Variants in GPD2 observed in about 807,000 individuals in gnomAD.
GPD2 encodes the protein glycerol-3-phosphate dehydrogenase, mitochondrial.
A neutral mutation model predicts 82.4 loss-of-function variants in GPD2; 54 were observed. The observed-to-expected ratio is 0.66, with a 90% CI of 0.53 to 0.82. The LOEUF (loss-of-function observed/expected upper bound fraction) is 0.82, where lower values mean the gene tolerates loss of function less well. GPD2 is among the 40% of genes least tolerant of loss of function. The pLI is 0.00. For missense variants in GPD2, 748 were observed against 896.2 expected, an observed-to-expected ratio of 0.83 and a Z score of 2.11; for synonymous variants, 288 against 306.1, an observed-to-expected ratio of 0.94 and a Z score of 0.62.
the GPD2 span, among the ~76,000 whole-genome samples, chr2:156,426,224 A>C: frequency 2.0e-5 from 3 of 152,340 alleles, no homozygotes; most frequent in South Asian, 4.1e-4. Flanking sequence ...CGCCCGGCCA[A>C]GTCTGGGTAC....
chr2:156,401,127 A>G, the GPD2 span, among the ~76,000 whole-genome samples: 10 of 152,328 alleles, frequency 6.6e-5, no homozygotes, highest in Admixed American at 4.6e-4. Context: ...ACCCACAGAA[A>G]AAAACTAGAA....
At position 156,585,592 on chromosome 2, in the gene GPD2, TAA is replaced by T. The variant is rs1037570841; in HGVS notation, c.*2676_*2677del. ...AGTGTAACTTTAGGATTTCTGCTAT[TAA>T]ATGCATGCTCTCTATCCTGCTTCAG... On this transcript the variant is annotated 3_prime_UTR_variant, in exon 17 of 17. Coordinates refer to ENST00000438166, the MANE Select transcript of GPD2 (RefSeq NM_000408.5). The T allele has an allele frequency of 6.6e-6, 1 of 152,464 alleles. No homozygotes were observed. The highest frequency in any genetic ancestry group is 2.4e-5 in the African/African-American group (1 of 41,424). The allele number at this position is 152,464 out of a possible 1,614,324, so 9.4% of individuals were successfully genotyped here. A position where few individuals can be genotyped will look rare whatever the true frequency, so the allele number is the denominator to read the frequency against.
rs113498402 is a variant in GPD2 at position 156,579,012 on chromosome 2, TAA to T, written c.1880+12_1880+13del. On this transcript the variant is annotated intron_variant, in intron 14 of 16. Transcript: ENST00000438166. ...TTCAGACATTGACAGGTACTTATAA[TAA>T]GTGTCTATCTATCTCTCTTTTTTTT... 2.7e-3 allele frequency: 4,151 copies of T among 1,563,160 alleles called. 103 individuals carry two copies. In the African/African-American group the frequency reaches 0.047, roughly 18 times the overall value.
At chr2:156,461,818 C>T (rs576171505) in intron 1 of GPD2, among the ~76,000 whole-genome samples, 3 of 152,180 alleles carry the variant, frequency 2.0e-5, no homozygotes, top group Non-Finnish European at 4.4e-5. Flanking sequence ...GAATTCCCAG[C>T]CCCTGGAACA....
intron 6 of GPD2, among the ~76,000 whole-genome samples, chr2:156,520,695 C>A (rs1454019769): frequency 6.6e-6 from 1 of 151,888 alleles, no homozygotes; most frequent in Non-Finnish European, 1.5e-5. Flanking sequence ...AGCCATTATC[C>A]CACCTCGGTC....
intron 6 of GPD2, among the ~76,000 whole-genome samples, chr2:156,525,826 T>C (rs1685585965): frequency 6.6e-6 from 1 of 152,210 alleles, no homozygotes; most frequent in Non-Finnish European, 1.5e-5. Context: ...ATAAATTATG[T>C]AAATAAAGTG....
In GPD2 at chr2:156,569,668, A is replaced by T. The variant is rs1425208696; in HGVS notation, c.1476+130A>T. 1.0e-5 allele frequency: 8 copies of T among 764,230 alleles called. No homozygotes were observed. In the East Asian group the frequency reaches 1.8e-4, roughly 17 times the overall value. The allele number at this position is 764,230 out of a possible 1,614,324, so 47.3% of individuals were successfully genotyped here. A position where few individuals can be genotyped will look rare whatever the true frequency, so the allele number is the denominator to read the frequency against. On this transcript the variant is annotated intron_variant, in intron 11 of 16. Coordinates refer to ENST00000438166, the MANE Select transcript of GPD2 (RefSeq NM_000408.5). ...CTGAATACATTTCTGCCAGTCTGTT[A>T]TGGAAGGAAAAAAAGATGATCTTGC...
Position 156,476,081 on chromosome 2 carries a change from CT to C in GPD2, c.-8-15del. 1 of 1,332,244 alleles carries C rather than the reference CT, an allele frequency of 7.5e-7. No homozygotes were observed. Among genetic ancestry groups the C allele is most frequent in the Non-Finnish European group, 1.1e-6 (1 of 923,574 alleles). 82.5% of individuals were successfully genotyped at this position (1,332,244 alleles called of 1,614,324 possible). A position where few individuals can be genotyped will look rare whatever the true frequency, so the allele number is the denominator to read the frequency against. ...TATCCCAATTAACTTCTTTTTGTTTCTTATTTTTCTTTGTAGGCTAAGAAAT... is the reference window on the plus strand; with the variant it reads ...TATCCCAATTAACTTCTTTTTGTTTCTATTTTTCTTTGTAGGCTAAGAAAT... On this transcript the variant is annotated splice_polypyrimidine_tract_variant and intron_variant, in intron 1 of 16. Transcript: ENST00000438166.
At chr2:156,490,611 C>T (rs1684140223) in intron 2 of GPD2, among the ~76,000 whole-genome samples, 1 of 152,008 alleles carries the variant, frequency 6.6e-6, no homozygotes, top group Non-Finnish European at 1.5e-5. Context: ...ATTTTTTTCT[C>T]AAATTATGTG....
chr2:156,539,812 T>A (rs973410270), intron 6 of GPD2, among the ~76,000 whole-genome samples: 1 of 152,242 alleles, frequency 6.6e-6, no homozygotes, highest in Non-Finnish European at 1.5e-5. Flanking sequence ...AGTCCTATTA[T>A]GAAAGATGGT....
At chr2:156,578,181 A>G (rs919827142) in intron 13 of GPD2, among the ~76,000 whole-genome samples, 5 of 152,232 alleles carry the variant, frequency 3.3e-5, no homozygotes, top group African/African-American at 9.6e-5. Context: ...CACTGAGGAC[A>G]TTGAAAACAG....
At chr2:156,524,201 T>C (rs1685523665) in intron 6 of GPD2, among the ~76,000 whole-genome samples, 1 of 152,072 alleles carries the variant, frequency 6.6e-6, no homozygotes, top group Non-Finnish European at 1.5e-5. Flanking sequence ...CTGATAGGTT[T>C]CCAGTCCCTT....
intron 6 of GPD2, among the ~76,000 whole-genome samples, chr2:156,523,496 A>C (rs1214688488): frequency 5.3e-5 from 8 of 152,118 alleles, no homozygotes; most frequent in Non-Finnish European, 1.2e-4. Flanking sequence ...AGCACTTATA[A>C]ACTCATGACC....
chr2:156,566,957 G>A (rs1425323281), intron 9 of GPD2, among the ~76,000 whole-genome samples: 2 of 151,866 alleles, frequency 1.3e-5, no homozygotes, highest in Non-Finnish European at 1.5e-5. Flanking sequence ...TGCATTTCCC[G>A]AATCATTAGT....
the GPD2 span, among the ~76,000 whole-genome samples, chr2:156,402,503 A>G: frequency 1.3e-5 from 2 of 152,356 alleles, no homozygotes; most frequent in Admixed American, 1.3e-4. Context: ...TTTATTCTTT[A>G]AAATGAAAGA....
intron 1 of GPD2, among the ~76,000 whole-genome samples, chr2:156,468,763 C>G (rs566967927): frequency 6.6e-6 from 1 of 152,236 alleles, no homozygotes; most frequent in East Asian, 1.9e-4. Flanking sequence ...TAATTTGCTA[C>G]AGGCATGCAA....
chr2:156,514,714 A>C (rs1685135137), intron 6 of GPD2, among the ~76,000 whole-genome samples: 1 of 152,190 alleles, frequency 6.6e-6, no homozygotes, highest in Non-Finnish European at 1.5e-5. Flanking sequence ...GGTCTTAGGT[A>C]AACATTAAAA....
chr2:156,563,176 C>T lies in GPD2; in HGVS notation c.1165+5594C>T, dbSNP rs771931996. ...TGCTTTGGTTTTGGTAATACCAGCT[C>T]TTATAGTTTGATATAAAAAGTTTAG... On this transcript the variant is annotated intron_variant, in intron 9 of 16. Transcript: ENST00000438166. Among the ~76,000 whole-genome samples the T allele has an allele frequency of 3.2e-4, 49 of 152,186 alleles. 1 individual carries two copies. Among genetic ancestry groups the T allele is most frequent in the Non-Finnish European group, 5.6e-4 (38 of 67,982 alleles).
At chr2:156,462,453 A>ATTT (rs35159143) in intron 1 of GPD2, among the ~76,000 whole-genome samples, 6 of 118,180 alleles carry the variant, frequency 5.1e-5, no homozygotes, top group Admixed American at 1.8e-4. Context: ...ACCCGGATAC[A>ATTT]TTTTTTTTTT....
Sources: gnomAD v4.1 joint callset for allele counts (sites outside exome capture counted in the v4.1 genomes callset) on GRCh38, gnomAD v4.1.1 for gene constraint, MANE v1.5 for transcripts, NCBI Gene and HGNC (gene_info 2026-07-23, HGNC 2026-07-21) for gene names.